Variants in DPP10 observed in about 807,000 individuals in gnomAD.
DPP10 encodes the protein inactive dipeptidyl peptidase 10.
In DPP10, 33 loss-of-function variants were observed where a neutral mutation model predicts 120.9. The observed-to-expected ratio is 0.27, with a 90% CI of 0.21 to 0.37. The LOEUF is 0.37. DPP10 is among the 10% of genes least tolerant of loss of function. DPP10 has a pLI of 1.00. For missense variants in DPP10, 816 were observed against 942.8 expected (o/e 0.87, Z 1.76); for synonymous variants, 337 against 326.1 (o/e 1.03, Z -0.36).
chr2:115,402,891 G>A (rs1161595278), intron 3 of DPP10, among the ~76,000 whole-genome samples: 54 of 124,626 alleles, frequency 4.3e-4, no homozygotes, highest in African/African-American at 8.2e-4. Context: ...GTGTGTGTGT[G>A]TATATATATA....
chr2:115,787,434 T>G (rs2149894737), intron 17 of DPP10, among the ~76,000 whole-genome samples: 1 of 152,300 alleles, frequency 6.6e-6, no homozygotes, highest in African/African-American at 2.4e-5. Context: ...CTTTGTGAAT[T>G]TAAAATAAAA....
At chr2:114,897,130 C>T (rs1422877643) in intron 1 of DPP10, among the ~76,000 whole-genome samples, 9 of 152,066 alleles carry the variant, frequency 5.9e-5, no homozygotes, top group Admixed American at 1.3e-4. Context: ...CTGCTGAATT[C>T]GGTTTGCCAG....
In DPP10 at chr2:115,791,145, G is replaced by A; in HGVS notation, c.1596G>A (p.Lys532=). Residue 532 remains lysine (K), a synonymous_variant, in exon 18 of 26, where the codon AAG becomes AAA. Coordinates refer to ENST00000410059, the MANE Select transcript of DPP10 (RefSeq NM_020868.6). ...KEAILKKKIG[K]PEIKILHIDD... is the part of the protein sequence containing the mutation. ...CTATCCTGAAGAAGAAGATAGGAAA[G>A]CCAGAAATTAAAATCCTTCATATTG... The A allele has an allele frequency of 3.1e-6, 5 of 1,613,564 alleles. No homozygotes were observed. Among genetic ancestry groups the A allele is most frequent in the Non-Finnish European group, 4.2e-6 (5 of 1,179,736 alleles).
At chr2:115,576,401 G>A (rs1331337526) in intron 5 of DPP10, among the ~76,000 whole-genome samples, 1 of 152,178 alleles carries the variant, frequency 6.6e-6, no homozygotes, top group Non-Finnish European at 1.5e-5. Flanking sequence ...TGAAAAGTCA[G>A]AAATAAATGA....
intron 1 of DPP10, among the ~76,000 whole-genome samples, chr2:114,980,771 A>C (rs901655171): frequency 5.3e-5 from 8 of 152,078 alleles, no homozygotes; most frequent in Non-Finnish European, 2.9e-5. Context: ...AGGTATAAGC[A>C]TGAGCCACTG....
intron 1 of DPP10, among the ~76,000 whole-genome samples, chr2:115,226,050 A>G (rs1363292750): frequency 6.6e-6 from 1 of 152,058 alleles, no homozygotes; most frequent in African/African-American, 2.4e-5. Context: ...AGTTGTCAAC[A>G]GAACTTAAAT....
At chr2:115,104,530 T>C (rs946838674) in intron 1 of DPP10, among the ~76,000 whole-genome samples, 2 of 152,204 alleles carry the variant, frequency 1.3e-5, no homozygotes, top group Non-Finnish European at 2.9e-5. Context: ...TGATAATATA[T>C]GTGATCTTCC....
intron 5 of DPP10, among the ~76,000 whole-genome samples, chr2:115,674,212 C>T (rs1210740048): frequency 1.3e-5 from 2 of 150,796 alleles, no homozygotes; most frequent in African/African-American, 4.9e-5. Context: ...GCAACAAGAA[C>T]AAAACTCCAT....
At chr2:114,769,630 T>C (rs1203856969) in intron 1 of DPP10, among the ~76,000 whole-genome samples, 4 of 152,212 alleles carry the variant, frequency 2.6e-5, no homozygotes, top group East Asian at 1.9e-4. Context: ...TTTAACAATT[T>C]TCAGTAGGTC....
At chr2:115,089,229 C>A (rs964538926) in intron 1 of DPP10, among the ~76,000 whole-genome samples, 7 of 152,090 alleles carry the variant, frequency 4.6e-5, no homozygotes, top group African/African-American at 1.7e-4. Context: ...TTGATCATTT[C>A]TTTCTAATAT....
chr2:115,352,506 G>C (rs2064099497), intron 3 of DPP10, among the ~76,000 whole-genome samples: 1 of 152,120 alleles, frequency 6.6e-6, no homozygotes, highest in African/African-American at 2.4e-5. Context: ...TAGAATAATA[G>C]ATACATTGAC....
intron 1 of DPP10, among the ~76,000 whole-genome samples, chr2:114,563,933 C>T (rs915937046): frequency 6.6e-6 from 1 of 152,184 alleles, no homozygotes; most frequent in Non-Finnish European, 1.5e-5. Context: ...TTGAAGCTTT[C>T]CTCTGTCATT....
chr2:115,803,765 A>C (rs140984192), intron 19 of DPP10, among the ~76,000 whole-genome samples: 2,709 of 152,112 alleles, frequency 0.018, 85 homozygotes, highest in African/African-American at 0.06. Flanking sequence ...GGCCCCCACT[A>C]TCTTCTGGCT....
intron 1 of DPP10, among the ~76,000 whole-genome samples, chr2:114,760,161 G>A (rs957210331): frequency 5.3e-5 from 8 of 152,134 alleles, no homozygotes; most frequent in Admixed American, 4.6e-4. Flanking sequence ...TACCAGGCAG[G>A]TGCGTCCATC....
chr2:115,243,002 CAAAT>C (rs933586414), intron 1 of DPP10, among the ~76,000 whole-genome samples: 7 of 146,622 alleles, frequency 4.8e-5, no homozygotes, highest in African/African-American at 1.5e-4. Context: ...ATTCTCTTCT[CAAAT>C]AAATTATAGT....
At chr2:114,872,166 G>A (rs865889970) in intron 1 of DPP10, among the ~76,000 whole-genome samples, 2 of 152,152 alleles carry the variant, frequency 1.3e-5, no homozygotes, top group African/African-American at 4.8e-5. Flanking sequence ...AAGGAAAGAG[G>A]TTTAATTGAC....
chr2:114,607,378 A>G (rs922941428), intron 1 of DPP10, among the ~76,000 whole-genome samples: 3 of 152,176 alleles, frequency 2.0e-5, no homozygotes, highest in African/African-American at 7.2e-5. Flanking sequence ...TTATGTGCCT[A>G]TGTGACAAAA....
At chr2:115,380,979 C>G (rs1268577542) in intron 3 of DPP10, among the ~76,000 whole-genome samples, 3 of 152,138 alleles carry the variant, frequency 2.0e-5, no homozygotes, top group Non-Finnish European at 4.4e-5. Context: ...TCTGGCTGCC[C>G]TTAACATTTT....
intron 1 of DPP10, among the ~76,000 whole-genome samples, chr2:114,583,660 C>T (rs112898286): frequency 0.014 from 2,062 of 152,226 alleles, 18 homozygotes; most frequent in Non-Finnish European, 0.021. Context: ...TCTGAGGTTG[C>T]AGTTGATAAT....
Sources: allele counts gnomAD v4.1 joint callset (sites outside exome capture counted in the v4.1 genomes callset), GRCh38; gene constraint gnomAD v4.1.1; transcripts MANE v1.5; gene names NCBI Gene and HGNC (gene_info 2026-07-23, HGNC 2026-07-21).